The following COL12A1 variants were observed in gnomAD, a reference collection of about 807,000 sequenced individuals.
COL12A1 encodes the protein collagen alpha-1(XII) chain.
COL12A1 carries 114 observed loss-of-function variants against 349.7 expected under a neutral mutation model. That is an observed-to-expected ratio of 0.33 (90% CI 0.28 to 0.38). COL12A1 has a LOEUF of 0.38. Ranked by LOEUF, COL12A1 falls within the 10% of genes least tolerant of loss-of-function variation. The probability of loss-of-function intolerance (pLI) is 1.00; values close to 1 mark genes in which losing one functional copy is unlikely to be tolerated. For synonymous variants in COL12A1, 1,369 were observed against 1,329.0 expected, an observed-to-expected ratio of 1.03 and a Z score of -0.66; for missense variants, 3,284 against 3,756.9, an observed-to-expected ratio of 0.87 and a Z score of 3.29.
chr6:75,185,574 T>G (rs1223788911), intron 8 of COL12A1, among the ~76,000 whole-genome samples: 1 of 152,190 alleles, frequency 6.6e-6, no homozygotes, highest in African/African-American at 2.4e-5. Context: ...CCACTACTCC[T>G]ATTAAACTAC....
intron 51 of COL12A1, among the ~76,000 whole-genome samples, 192 bp from the exon 52 acceptor site, chr6:75,109,359 G>A (rs943411429): frequency 2.6e-5 from 4 of 152,016 alleles, no homozygotes; most frequent in African/African-American, 9.7e-5. Flanking sequence ...AATTAGACAA[G>A]CCACTTAACC....
chr6:75,091,882 T>G (rs919660792), intron 60 of COL12A1, among the ~76,000 whole-genome samples: 1 of 152,220 alleles, frequency 6.6e-6, no homozygotes, highest in Admixed American at 6.5e-5. Flanking sequence ...ACCGCCATAC[T>G]TTGCTTTATA....
chr6:75,165,056 G>C (rs965321813), intron 14 of COL12A1, among the ~76,000 whole-genome samples: 1 of 152,012 alleles, frequency 6.6e-6, no homozygotes, highest in East Asian at 1.9e-4. Flanking sequence ...CACTATGCTG[G>C]CCACTTTGTA....
chr6:75,094,200 G>T (rs908071085), intron 60 of COL12A1, among the ~76,000 whole-genome samples: 1 of 151,946 alleles, frequency 6.6e-6, no homozygotes, highest in Admixed American at 6.5e-5. Context: ...AAGTCTCTCT[G>T]AAATTACTTT....
chr6:75,137,355 C>T, intron 31 of COL12A1, 82 bp downstream of exon 31: 1 of 1,265,722 alleles, frequency 7.9e-7, no homozygotes, highest in Non-Finnish European at 1.1e-6. Context: ...GTAAGTATGA[C>T]TAACTAAGCA....
intron 9 of COL12A1, 69 bp from the exon 10 acceptor site, chr6:75,183,721 T>C: frequency 7.2e-6 from 11 of 1,522,488 alleles, no homozygotes; most frequent in Non-Finnish European, 8.8e-6. Flanking sequence ...TATCTAGCTT[T>C]CTTAGTAAGC....
chr6:75,142,601 AT>A (rs1562211112), intron 26 of COL12A1, among the ~76,000 whole-genome samples: 1 of 152,228 alleles, frequency 6.6e-6, no homozygotes, highest in African/African-American at 2.4e-5. Context: ...TAGCTTTTGT[AT>A]AATCCACAAA....
rs1167095122 is a variant in COL12A1 at position 75,085,240 on chromosome 6, C to T, written c.*1307G>A. On this transcript the variant is annotated 3_prime_UTR_variant, in exon 66 of 66. Transcript: ENST00000322507. ...GCGCGCCGCCAGCGCCGGTGGGGCT[C>T]AGGAGGCTCCTCTGCAGGCTCGTCT... 5 of 470,500 alleles carry T rather than the reference C, an allele frequency of 1.1e-5. No homozygotes were observed. Among genetic ancestry groups the T allele is most frequent in the Non-Finnish European group, 2.2e-5 (5 of 227,038 alleles). The allele number at this position is 470,500 out of a possible 1,614,324, so 29.1% of individuals were successfully genotyped here.
intron 2 of COL12A1, among the ~76,000 whole-genome samples, chr6:75,197,609 G>A (rs370219871): frequency 6.6e-6 from 1 of 152,032 alleles, no homozygotes; most frequent in African/African-American, 2.4e-5. Context: ...ACTGTGCCCA[G>A]CCCGGAAATT....
At chr6:75,086,600 T>G (rs752115074) in intron 65 of COL12A1, 43 bp from the exon 66 acceptor site, 1 of 1,554,916 alleles carries the variant, frequency 6.4e-7, no homozygotes, top group South Asian at 1.1e-5. Flanking sequence ...GTTGAATGAC[T>G]AAGTAAAAAA....
chr6:75,199,207 C>T (rs1039383013), intron 2 of COL12A1, among the ~76,000 whole-genome samples: 9 of 152,132 alleles, frequency 5.9e-5, no homozygotes, highest in Admixed American at 5.9e-4. Context: ...GACTAGAAGA[C>T]TGGGGTCTTG....
At position 75,123,985 on chromosome 6, in the gene COL12A1, A is replaced by G. The variant is rs1293506919; in HGVS notation, c.6834T>C (p.Asn2278=). 1 of 1,613,576 alleles carries G rather than the reference A, an allele frequency of 6.2e-7. No individual in the cohort carries two copies. Among genetic ancestry groups the G allele is most frequent in the African/African-American group, 1.3e-5 (1 of 74,884 alleles). The change falls in exon 42 of 66, where the codon AAT becomes AAC. Residue 2278 remains asparagine (N), a synonymous_variant. Transcript: ENST00000322507. ...TAACAGAGACTCCTGGTCCCTCGAGATTTGGTGTCTGCACAAAAACAGTGA... is the reference window on the plus strand; with the variant it reads ...TAACAGAGACTCCTGGTCCCTCGAGGTTTGGTGTCTGCACAAAAACAGTGA... ...YGVTVFVQTP[N]LEGPGVSVKE...
Position 75,154,837 on chromosome 6 carries a change from G to A in COL12A1, c.3444-300C>T, listed in dbSNP as rs549133207. ...GAGTCTCTACCCTGCCTTTCAGCATGTCAGGAAGGGTCAGACTCTTTAATC... is the reference window on the plus strand; with the variant it reads ...GAGTCTCTACCCTGCCTTTCAGCATATCAGGAAGGGTCAGACTCTTTAATC... On this transcript the variant is annotated intron_variant, in intron 16 of 65. Coordinates refer to ENST00000322507, the MANE Select transcript of COL12A1 (RefSeq NM_004370.6). 2.0e-5 allele frequency among the ~76,000 whole-genome samples: 3 copies of A among 152,210 alleles called. No individual in the cohort carries two copies. In the South Asian group the frequency reaches 6.2e-4, roughly 32 times the overall value.
At chr6:75,152,931 A>G (rs1767565805) in intron 17 of COL12A1, among the ~76,000 whole-genome samples, 1 of 152,192 alleles carries the variant, frequency 6.6e-6, no homozygotes, top group African/African-American at 2.4e-5. Flanking sequence ...TTTAATGGTC[A>G]TAGCAGACAA....
At chr6:75,197,695 GA>G (rs1470747153) in intron 2 of COL12A1, among the ~76,000 whole-genome samples, 1 of 152,028 alleles carries the variant, frequency 6.6e-6, no homozygotes, top group Non-Finnish European at 1.5e-5. Context: ...TCCAAACCAA[GA>G]GAAACAGAAT....
chr6:75,159,931 T>C (rs144694708), intron 14 of COL12A1, among the ~76,000 whole-genome samples: 262 of 152,272 alleles, frequency 1.7e-3, no homozygotes, highest in African/African-American at 6.1e-3. Flanking sequence ...ATCTCATACC[T>C]TGATATACTT....
intron 53 of COL12A1, among the ~76,000 whole-genome samples, chr6:75,105,542 A>T (rs1373097381): frequency 6.6e-6 from 1 of 152,106 alleles, no homozygotes; most frequent in African/African-American, 2.4e-5. Context: ...AATTTAATCC[A>T]ATTTCCTCTA....
intron 47 of COL12A1, 103 bp from the exon 48 acceptor site, chr6:75,116,160 T>A: frequency 9.3e-7 from 1 of 1,077,622 alleles, no homozygotes; most frequent in Non-Finnish European, 1.4e-6. Flanking sequence ...TAAATGACAT[T>A]GTTCATTTAT....
At chr6:75,124,570 T>A (rs552467120) in intron 40 of COL12A1, among the ~76,000 whole-genome samples, 199 bp from the exon 41 acceptor site, 28 of 152,226 alleles carry the variant, frequency 1.8e-4, no homozygotes, top group Middle Eastern at 6.8e-3. Context: ...TTTCGCTGAT[T>A]TTCAAGGAAA....
Sources: allele counts gnomAD v4.1 joint callset (sites outside exome capture counted in the v4.1 genomes callset), GRCh38; gene constraint gnomAD v4.1.1; transcripts MANE v1.5; gene names NCBI Gene and HGNC (gene_info 2026-07-23, HGNC 2026-07-21).